CTTNBP2NL: variants seen among roughly 807,000 people sequenced by gnomAD.
CTTNBP2NL encodes CTTNBP2 N-terminal like, also known as CTTNBP2 N-terminal-like protein.
Under a neutral mutation model 32.5 loss-of-function variants are expected in CTTNBP2NL, and 16 were observed. That is an observed-to-expected ratio of 0.49 (90% confidence interval 0.33 to 0.75). The LOEUF is 0.75. CTTNBP2NL is among the 30% of genes least tolerant of loss of function. The pLI is 0.02. For synonymous variants in CTTNBP2NL, 298 were observed against 289.4 expected, an observed-to-expected ratio of 1.03 and a Z score of -0.30; for missense variants, 645 against 756.0, an observed-to-expected ratio of 0.85 and a Z score of 1.72.
At chr1:112,435,260 T>A (rs947082824) in intron 3 of CTTNBP2NL, among the ~76,000 whole-genome samples, 2 of 152,136 alleles carry the variant, frequency 1.3e-5, no homozygotes, top group Non-Finnish European at 2.9e-5. Flanking sequence ...TAGGAGAATT[T>A]ATATATTTGT....
At position 112,457,089 on chromosome 1, in the gene CTTNBP2NL, T is replaced by C. The variant is rs759629214; in HGVS notation, c.1597T>C (p.Tyr533His). 1.5e-5 allele frequency: 24 copies of C among 1,613,988 alleles called. No individual in the cohort carries two copies. The highest frequency in any genetic ancestry group is 4.0e-5 in the African/African-American group (3 of 74,886). ...SPNSSPFGTD[Y>H]RNLANTANPR... ...CAACAGCTCTCCCTTTGGCACAGAC[T>C]ATCGAAATCTAGCCAACACTGCCAA... The change falls in exon 6 of 6, where the codon TAT becomes CAT. Residue 533 changes from tyrosine to histidine, a missense_variant. By Grantham distance (83) the Tyr-to-His change is moderately conservative (BLOSUM62 2). Coordinates refer to ENST00000271277, the MANE Select transcript of CTTNBP2NL (RefSeq NM_018704.3).
At chr1:112,447,137 G>A (rs1026041774) in intron 3 of CTTNBP2NL, among the ~76,000 whole-genome samples, 1 of 151,898 alleles carries the variant, frequency 6.6e-6, no homozygotes, top group Non-Finnish European at 1.5e-5. Flanking sequence ...AGCCGGGCGT[G>A]GTGGTGGGCA....
chr1:112,456,965 C>G lies in CTTNBP2NL; in HGVS notation c.1473C>G (p.Leu491=). The G allele has an allele frequency of 6.2e-7, 1 of 1,614,144 alleles. No homozygotes were observed. The highest frequency in any genetic ancestry group is 8.5e-7 in the Non-Finnish European group (1 of 1,180,036). The change falls in exon 6 of 6, where the codon CTC becomes CTG. Residue 491 remains leucine, a synonymous_variant. Coordinates refer to ENST00000271277, the MANE Select transcript of CTTNBP2NL (RefSeq NM_018704.3). ...CATCCAGGGATTTATCCCCCACCCT[C>G]ATAGACAACTCTGCCGCCAAGCAGC... ...SPPSRDLSPT[L]IDNSAAKQLA...
intron 3 of CTTNBP2NL, among the ~76,000 whole-genome samples, chr1:112,439,942 T>C (rs1394648324): frequency 5.3e-5 from 8 of 152,256 alleles, no homozygotes; most frequent in Non-Finnish European, 1.0e-4. Flanking sequence ...ACATTAATGA[T>C]ATTGTTTAGA....
chr1:112,426,746 A>G (rs1001369829), intron 3 of CTTNBP2NL, among the ~76,000 whole-genome samples: 1 of 151,396 alleles, frequency 6.6e-6, no homozygotes, highest in Non-Finnish European at 1.5e-5. Context: ...AACTGGGATT[A>G]CAGTTGCCCA....
intron 3 of CTTNBP2NL, among the ~76,000 whole-genome samples, chr1:112,443,369 A>G (rs1430210195): frequency 6.6e-6 from 1 of 152,142 alleles, no homozygotes; most frequent in Non-Finnish European, 1.5e-5. Context: ...GTGTGCCACC[A>G]TGCCCAGCTA....
intron 1 of CTTNBP2NL, among the ~76,000 whole-genome samples, chr1:112,402,416 C>T (rs368226096): frequency 2.6e-5 from 4 of 151,698 alleles, no homozygotes; most frequent in African/African-American, 9.7e-5. Flanking sequence ...GAAACTCCAT[C>T]TCAAAAAAAA....
At chr1:112,407,189 T>C (rs1648691644) in intron 1 of CTTNBP2NL, among the ~76,000 whole-genome samples, 1 of 152,212 alleles carries the variant, frequency 6.6e-6, no homozygotes, top group Non-Finnish European at 1.5e-5. Flanking sequence ...GCTGTCATGG[T>C]AAGAGGAAGG....
intron 3 of CTTNBP2NL, among the ~76,000 whole-genome samples, chr1:112,427,692 G>A (rs1649441511): frequency 6.6e-6 from 1 of 152,090 alleles, no homozygotes; most frequent in African/African-American, 2.4e-5. Context: ...TCAGGAGATC[G>A]AGACCATCCT....
intron 3 of CTTNBP2NL, among the ~76,000 whole-genome samples, chr1:112,432,507 C>G (rs930503413): frequency 2.6e-5 from 4 of 152,072 alleles, no homozygotes; most frequent in African/African-American, 7.2e-5. Flanking sequence ...TATTAAGTCT[C>G]TCTTCTTACT....
chr1:112,433,113 C>T (rs1285531111), intron 3 of CTTNBP2NL, among the ~76,000 whole-genome samples: 1 of 152,156 alleles, frequency 6.6e-6, no homozygotes, highest in Non-Finnish European at 1.5e-5. Flanking sequence ...AATGTCCCTT[C>T]CTGTAGCTCC....
intron 1 of CTTNBP2NL, among the ~76,000 whole-genome samples, chr1:112,406,968 C>T (rs919766813): frequency 6.6e-6 from 1 of 152,190 alleles, no homozygotes; most frequent in African/African-American, 2.4e-5. Flanking sequence ...ATCTTGATCC[C>T]TTGGCACCAT....
At chr1:112,404,990 CGGTG>C (rs1284000946) in intron 1 of CTTNBP2NL, among the ~76,000 whole-genome samples, 6 of 1,644 alleles carry the variant, frequency 3.6e-3, no homozygotes, top group Middle Eastern at 0.25. Context: ...GCGGAGGTTG[CGGTG>C]AGGCCGAGGT....
At chr1:112,415,655 C>T (rs1341171628) in intron 2 of CTTNBP2NL, among the ~76,000 whole-genome samples, 1 of 151,406 alleles carries the variant, frequency 6.6e-6, no homozygotes, top group Admixed American at 6.6e-5. Context: ...CTCCCGCGTT[C>T]AAGTGATTCC....
chr1:112,408,697 A>G (rs953131871), intron 1 of CTTNBP2NL, among the ~76,000 whole-genome samples: 1 of 152,136 alleles, frequency 6.6e-6, no homozygotes, highest in Non-Finnish European at 1.5e-5. Flanking sequence ...TATTTCATGT[A>G]TACTGGGTTT....
intron 3 of CTTNBP2NL, among the ~76,000 whole-genome samples, chr1:112,417,165 C>G (rs561800255): frequency 6.6e-6 from 1 of 152,242 alleles, no homozygotes; most frequent in East Asian, 1.9e-4. Context: ...ACCGAGATAA[C>G]CTGTCTGCTT....
chr1:112,455,607 A>G (rs1650338505), intron 5 of CTTNBP2NL, among the ~76,000 whole-genome samples: 1 of 152,280 alleles, frequency 6.6e-6, no homozygotes, highest in African/African-American at 2.4e-5. Context: ...AGCAACATTC[A>G]TCACAAAATG....
Position 112,457,108 on chromosome 1 carries a change from C to T in CTTNBP2NL, c.1616C>T (p.Thr539Ile). The T allele has an allele frequency of 1.2e-6, 2 of 1,614,204 alleles. No homozygotes were observed. Among genetic ancestry groups the T allele is most frequent in the Non-Finnish European group, 1.7e-6 (2 of 1,180,040 alleles). The change falls in exon 6 of 6, where the codon ACT becomes ATT. Residue 539 changes from threonine (T) to isoleucine (I), a missense_variant. By Grantham distance (89) the Thr-to-Ile change is moderately conservative. Transcript: ENST00000271277. ...FGTDYRNLANTANPRGDTSHS... is the reference protein window; with the variant it reads ...FGTDYRNLANIANPRGDTSHS... ...ACAGACTATCGAAATCTAGCCAACACTGCCAATCCAAGAGGTGACACAAGC... is the reference window on the plus strand; with the variant it reads ...ACAGACTATCGAAATCTAGCCAACATTGCCAATCCAAGAGGTGACACAAGC...
intron 3 of CTTNBP2NL, among the ~76,000 whole-genome samples, chr1:112,446,340 T>A (rs1206061909): frequency 6.6e-6 from 1 of 151,930 alleles, no homozygotes; most frequent in African/African-American, 2.4e-5. Context: ...CACTGCAGCC[T>A]GGTTGACAGA....
Sources: gnomAD v4.1 joint callset for allele counts (sites outside exome capture counted in the v4.1 genomes callset) on GRCh38, gnomAD v4.1.1 for gene constraint, MANE v1.5 for transcripts, NCBI Gene and HGNC (gene_info 2026-07-23, HGNC 2026-07-21) for gene names.